SLCO5A1: variants seen among roughly 807,000 people sequenced by gnomAD.
SLCO5A1 encodes the protein solute carrier organic anion transporter family member 5A1.
SLCO5A1 carries 39 observed loss-of-function variants against 65.1 expected under a neutral mutation model. The observed-to-expected ratio is 0.60, with a 90% confidence interval of 0.46 to 0.78. SLCO5A1 has a LOEUF of 0.78. Ranked by LOEUF, SLCO5A1 falls within the 30% of genes least tolerant of loss-of-function variation. The pLI is 0.00. For synonymous variants in SLCO5A1, 438 were observed against 415.7 expected (o/e 1.05, Z -0.65); for missense variants, 1,029 against 1,069.4 (o/e 0.96, Z 0.53).
At chr8:69,780,639 G>C (rs1271690967) in intron 2 of SLCO5A1, among the ~76,000 whole-genome samples, 1 of 152,166 alleles carries the variant, frequency 6.6e-6, no homozygotes, top group Non-Finnish European at 1.5e-5. Context: ...ATAGAATATG[G>C]AGATTTGGAA....
chr8:69,772,565 AAAGGAAAGGAAAG>A, intron 2 of SLCO5A1, among the ~76,000 whole-genome samples: 1 of 36,496 alleles, frequency 2.7e-5, no homozygotes, highest in Non-Finnish European at 5.9e-5. Flanking sequence ...GAGGGAGGAG[AAAGGAAAGGAAAG>A]GAAAGGAAAG....
chr8:69,703,471 G>A (rs937137907), intron 6 of SLCO5A1, among the ~76,000 whole-genome samples: 2 of 152,150 alleles, frequency 1.3e-5, no homozygotes, highest in African/African-American at 2.4e-5. Flanking sequence ...ACTTGTGACC[G>A]GGAGTTCAAG....
At chr8:69,748,397 T>C (rs1490163347) in intron 4 of SLCO5A1, among the ~76,000 whole-genome samples, 2 of 152,240 alleles carry the variant, frequency 1.3e-5, no homozygotes, top group Non-Finnish European at 2.9e-5. Flanking sequence ...TCAGGGTTTC[T>C]CTGCCTGGAC....
At chr8:69,828,375 G>A (rs62533335) in intron 2 of SLCO5A1, among the ~76,000 whole-genome samples, 1 of 152,074 alleles carries the variant, frequency 6.6e-6, no homozygotes, top group Non-Finnish European at 1.5e-5. Context: ...GGCCAAGGCG[G>A]GTGGATCACG....
chr8:69,771,678 C>G (rs1429696866), intron 2 of SLCO5A1, among the ~76,000 whole-genome samples: 1 of 152,194 alleles, frequency 6.6e-6, no homozygotes, highest in African/African-American at 2.4e-5. Context: ...CTGGGCATAT[C>G]TTGCCCAGAG....
chr8:69,824,009 C>T (rs1206982126), intron 2 of SLCO5A1, among the ~76,000 whole-genome samples: 2 of 152,188 alleles, frequency 1.3e-5, no homozygotes, highest in Non-Finnish European at 2.9e-5. Flanking sequence ...AACAAAACAA[C>T]CTGCTCCTGA....
chr8:69,738,231 A>C (rs969868572), intron 4 of SLCO5A1, 27 bp from the exon 5 acceptor site: 1 of 1,582,152 alleles, frequency 6.3e-7, no homozygotes, highest in Non-Finnish European at 8.6e-7. Context: ...ATGACAAATG[A>C]ATGTTATAAA....
At chr8:69,713,398 A>G (rs1815363188) in intron 5 of SLCO5A1, 1 of 152,226 alleles carries the variant, frequency 6.6e-6, no homozygotes, top group Non-Finnish European at 1.5e-5. Flanking sequence ...AGAAAGCAGA[A>G]TGAGTACCTA....
chr8:69,699,048 A>C (rs1247151496), intron 6 of SLCO5A1, among the ~76,000 whole-genome samples: 2 of 152,204 alleles, frequency 1.3e-5, no homozygotes, highest in Non-Finnish European at 2.9e-5. Flanking sequence ...AAACATATGG[A>C]CATGATCAAG....
At chr8:69,718,319 A>T (rs1815652423) in intron 5 of SLCO5A1, among the ~76,000 whole-genome samples, 1 of 152,214 alleles carries the variant, frequency 6.6e-6, no homozygotes, top group Admixed American at 6.5e-5. Context: ...TCCATAGAAG[A>T]TCACATAATC....
intron 6 of SLCO5A1, among the ~76,000 whole-genome samples, chr8:69,685,612 G>T (rs936321528): frequency 1.2e-4 from 19 of 152,196 alleles, no homozygotes; most frequent in African/African-American, 4.3e-4. Flanking sequence ...CACAATGTAA[G>T]CCTGAGAGTC....
chr8:69,807,938 G>C (rs1468750236), intron 2 of SLCO5A1, among the ~76,000 whole-genome samples: 1 of 151,840 alleles, frequency 6.6e-6, no homozygotes, highest in South Asian at 2.1e-4. Context: ...CTCCTGACCT[G>C]GTGATCCGCC....
rs1214804920 is a variant in SLCO5A1, at chr8:69,832,141, T to C, written c.533A>G (p.Asn178Ser). 4 of 1,613,932 alleles carry C rather than the reference T, an allele frequency of 2.5e-6. No homozygotes were observed. The highest frequency in any genetic ancestry group is 1.1e-5 in the South Asian group (1 of 91,070). The change falls in exon 2 of 10, where the codon AAC becomes AGC. Residue 178 changes from asparagine (N) to serine (S), a missense_variant. By Grantham distance (46) the Asn-to-Ser change is conservative. Coordinates refer to ENST00000260126, the MANE Select transcript of SLCO5A1 (RefSeq NM_030958.3). This position sits in a 1 kb window ranked among gnomAD's most constrained non-coding sequence, Gnocchi z 4.5. ...GCTGACGAACACCACCACCACCAGG[T>C]TCCCGATGTCAAAGCAGCTGACCAG... ...GLLVSCFDIG[N>S]LVVVVFVSYF...
rs982513998 is a variant in SLCO5A1, at chr8:69,672,656, G to C, written c.*213C>G. 1.7e-6 allele frequency: 1 copy of C among 575,162 alleles called. No individual in the cohort carries two copies. Among genetic ancestry groups the C allele is most frequent in the Non-Finnish European group, 3.0e-6 (1 of 329,166 alleles). The allele number at this position is 575,162 out of a possible 1,614,324, so 35.6% of individuals were successfully genotyped here. A position where few individuals can be genotyped will look rare whatever the true frequency, so the allele number is the denominator to read the frequency against. On this transcript the variant is annotated 3_prime_UTR_variant, in exon 10 of 10. Coordinates refer to ENST00000260126, the MANE Select transcript of SLCO5A1 (RefSeq NM_030958.3). The stretch of plus-strand genomic sequence containing the variant: ...GAAATGGGAACAAATCTAGCTGAAC[G>C]TCTCCTTCTTGGAGAGAAGCGGGGA...
chr8:69,818,728 G>T (rs1013582887), intron 2 of SLCO5A1, among the ~76,000 whole-genome samples: 1 of 152,112 alleles, frequency 6.6e-6, no homozygotes, highest in African/African-American at 2.4e-5. Flanking sequence ...TTGTCTTAGA[G>T]GCCAAAAATG....
intron 2 of SLCO5A1, among the ~76,000 whole-genome samples, chr8:69,817,092 A>T (rs944268115): frequency 6.6e-6 from 1 of 152,182 alleles, no homozygotes; most frequent in Admixed American, 6.5e-5. Flanking sequence ...CGTGCAACAG[A>T]TCTCTCAGAA....
chr8:69,790,387 A>T (rs569218106), intron 2 of SLCO5A1, among the ~76,000 whole-genome samples: 4 of 152,098 alleles, frequency 2.6e-5, no homozygotes, highest in Admixed American at 1.3e-4. Flanking sequence ...AAATGTAATA[A>T]TAATAATAAA....
intron 2 of SLCO5A1, among the ~76,000 whole-genome samples, chr8:69,776,574 C>T (rs964718090): frequency 7.4e-4 from 112 of 152,124 alleles, no homozygotes; most frequent in African/African-American, 1.9e-3. Flanking sequence ...TCTGTAGTCC[C>T]GGCTACTCAA....
chr8:69,712,742 C>G (rs564095514), intron 5 of SLCO5A1, among the ~76,000 whole-genome samples: 27 of 152,234 alleles, frequency 1.8e-4, no homozygotes, highest in Non-Finnish European at 3.8e-4. Context: ...TCAGTATCCT[C>G]CTATTTATTT....
Sources: allele counts gnomAD v4.1 joint callset (sites outside exome capture counted in the v4.1 genomes callset), GRCh38; gene constraint gnomAD v4.1.1; non-coding constraint Gnocchi (gnomAD v3.1); transcripts MANE v1.5; gene names NCBI Gene and HGNC (gene_info 2026-07-23, HGNC 2026-07-21).